Variants in GK observed in about 807,000 individuals in gnomAD.
GK encodes the protein ATP:glycerol 3-phosphotransferase.
A neutral mutation model predicts 56.4 loss-of-function variants in GK; 9 were observed. The ratio of observed to expected loss-of-function variants is 0.16; its 90% CI spans 0.10 to 0.28. The LOEUF (loss-of-function observed/expected upper bound fraction) is 0.28. Ranked by LOEUF, GK falls within the 10% of genes least tolerant of loss-of-function variation. The probability of loss-of-function intolerance (pLI) is 1.00; values close to 1 mark genes in which losing one functional copy is unlikely to be tolerated. For synonymous variants in GK, 104 were observed against 144.1 expected, an observed-to-expected ratio of 0.72 and a Z score of 1.99; for missense variants, 161 against 431.4, an observed-to-expected ratio of 0.37 and a Z score of 5.55.
chrX:30,676,782 C>T (rs1933931722), intron 3 of GK, among the ~76,000 whole-genome samples: 1 of 111,211 alleles, frequency 9.0e-6, no homozygotes, highest in South Asian at 3.7e-4. Flanking sequence ...AATGTAAATG[C>T]CATTATATAT....
At chrX:30,707,940 A>G in intron 12 of GK, 114 bp from the exon 13 acceptor site, 1 of 493,078 alleles carries the variant, frequency 2.0e-6, no homozygotes, top group Admixed American at 3.5e-5. Flanking sequence ...TATTTTAAAA[A>G]TTGGTTTATT....
intron 3 of GK, among the ~76,000 whole-genome samples, chrX:30,673,733 A>G (rs769431032): frequency 1.8e-5 from 2 of 111,952 alleles, no homozygotes; most frequent in South Asian, 7.5e-4. Context: ...AAATAGCTCT[A>G]AATTAGATTC....
intron 18 of GK, among the ~76,000 whole-genome samples, chrX:30,723,162 G>C (rs1378844278): frequency 9.0e-6 from 1 of 111,322 alleles, no homozygotes; most frequent in African/African-American, 3.3e-5. Context: ...TTGGGAAGCC[G>C]AGGCGGGCGG....
At position 30,696,632 on chromosome X, in the gene GK, A is replaced by G; in HGVS notation, c.678A>G (p.Pro226=). The change falls in exon 8 of 21, where the codon CCA becomes CCG. Residue 226 remains proline, a synonymous_variant. Coordinates refer to ENST00000427190, the MANE Select transcript of GK (RefSeq NM_001205019.2). ...TGTTTTTCAGATTTTTTGGAATTCC[A>G]ATGGAAATTCTTCCAAATGTCCGGA... ...DKQLCEFFGI[P]MEILPNVRSS... The G allele has an allele frequency of 1.7e-6, 2 of 1,198,252 alleles. No homozygotes were observed. Among genetic ancestry groups the G allele is most frequent in the Admixed American group, 2.2e-5 (1 of 45,923 alleles).
chrX:30,717,804 A>G (rs1936704384), intron 13 of GK, among the ~76,000 whole-genome samples: 2 of 111,852 alleles, frequency 1.8e-5, no homozygotes, highest in African/African-American at 3.2e-5. Context: ...ACCTTCACAT[A>G]TATTCTCATA....
At chrX:30,663,986 A>C (rs1411066628) in intron 1 of GK, among the ~76,000 whole-genome samples, 2 of 96,313 alleles carry the variant, frequency 2.1e-5, no homozygotes, top group Non-Finnish European at 4.1e-5. Context: ...ATATATATCT[A>C]TATATATTTT....
At chrX:30,712,832 C>A (rs1361993661) in intron 13 of GK, among the ~76,000 whole-genome samples, 1 of 101,704 alleles carries the variant, frequency 9.8e-6, no homozygotes, top group Non-Finnish European at 2.0e-5. Flanking sequence ...TCACGCCATT[C>A]TCCTGCCTCA....
intron 4 of GK, among the ~76,000 whole-genome samples, chrX:30,688,501 CAAAA>C (rs34773549): frequency 3.2e-4 from 11 of 33,899 alleles, no homozygotes; most frequent in African/African-American, 1.2e-3. Flanking sequence ...GACTCTGTCT[CAAAA>C]AAAAAAAAAA....
chrX:30,654,743 A>G (rs1162597833), intron 1 of GK, among the ~76,000 whole-genome samples: 2 of 111,847 alleles, frequency 1.8e-5, no homozygotes, highest in African/African-American at 6.5e-5. Flanking sequence ...TCTCAAAAAA[A>G]TAAAAATAAA....
intron 4 of GK, among the ~76,000 whole-genome samples, chrX:30,684,953 G>A (rs1030854176): frequency 2.7e-5 from 3 of 110,699 alleles, no homozygotes; most frequent in Non-Finnish European, 3.8e-5. Context: ...TTAATACTGG[G>A]CCAATTATTA....
intron 7 of GK, 65 bp from the exon 8 acceptor site, chrX:30,696,552 A>C: frequency 1.3e-6 from 1 of 773,832 alleles, no homozygotes; most frequent in South Asian, 2.2e-5. Context: ...GCATTTAAAT[A>C]CATATAAATG....
intron 3 of GK, among the ~76,000 whole-genome samples, chrX:30,670,492 C>T (rs946992827): frequency 8.9e-6 from 1 of 111,803 alleles, no homozygotes; most frequent in African/African-American, 3.3e-5. Context: ...AGTGTGAAGT[C>T]CACATCTGAG....
intron 4 of GK, among the ~76,000 whole-genome samples, chrX:30,678,516 G>A (rs1475230562): frequency 9.0e-6 from 1 of 111,186 alleles, no homozygotes; most frequent in African/African-American, 3.3e-5. Flanking sequence ...ATAATTTTGG[G>A]GGAATAATCT....
At chrX:30,717,486 C>G (rs531879761) in intron 13 of GK, among the ~76,000 whole-genome samples, 2 of 111,053 alleles carry the variant, frequency 1.8e-5, no homozygotes, top group African/African-American at 6.5e-5. Flanking sequence ...ATAACCACCC[C>G]CTATCCCCCA....
chrX:30,698,063 T>C (rs1179060862), intron 9 of GK: 3 of 216,540 alleles, frequency 1.4e-5, no homozygotes, highest in African/African-American at 2.9e-5. Context: ...ATAGATACAG[T>C]TTGAAATGTC....
intron 1 of GK, among the ~76,000 whole-genome samples, chrX:30,664,163 TATATAGATA>T: frequency 1.1e-5 from 1 of 92,866 alleles, no homozygotes; most frequent in East Asian, 3.1e-4. Flanking sequence ...TTTATATAGA[TATATAGATA>T]TATATATATC....
chrX:30,693,315 G>A (rs759391511), intron 5 of GK, among the ~76,000 whole-genome samples: 28 of 109,230 alleles, frequency 2.6e-4, no homozygotes, highest in African/African-American at 6.6e-4. Flanking sequence ...CACGCCTGGC[G>A]TATTTTCTTA....
At chrX:30,662,809 TTCTC>T (rs368743449) in intron 1 of GK, among the ~76,000 whole-genome samples, 952 of 62,277 alleles carry the variant, frequency 0.015, 19 homozygotes, top group African/African-American at 0.049. Flanking sequence ...CCTTCCTTCC[TTCTC>T]TCTCTCTCTC....
chrX:30,670,170 T>C (rs1034081113), intron 3 of GK, among the ~76,000 whole-genome samples: 1 of 111,672 alleles, frequency 9.0e-6, no homozygotes, highest in Non-Finnish European at 1.9e-5. Flanking sequence ...AAACAAATAA[T>C]AGGCAATCAG....
Sources: allele counts gnomAD v4.1 joint callset (sites outside exome capture counted in the v4.1 genomes callset), GRCh38; gene constraint gnomAD v4.1.1; transcripts MANE v1.5; gene names NCBI Gene and HGNC (gene_info 2026-07-23, HGNC 2026-07-21).